Variants in YPEL5 observed in about 807,000 individuals in gnomAD.
YPEL5 encodes yippee like 5, also known as protein yippee-like 5.
A neutral mutation model predicts 10.5 loss-of-function variants in YPEL5; 1 was observed. The ratio of observed to expected loss-of-function variants is 0.10; its 90% CI spans 0.03 to 0.45. The LOEUF (loss-of-function observed/expected upper bound fraction) is 0.45, where lower values mean the gene tolerates loss of function less well. Among genes scored for constraint, YPEL5 ranks in the 20% least tolerant of loss-of-function variants. YPEL5 has a pLI of 0.97. For synonymous variants in YPEL5, 61 were observed against 56.6 expected (o/e 1.08, Z -0.35); for missense variants, 68 against 159.3 (o/e 0.43, Z 3.09).
intron 1 of YPEL5, among the ~76,000 whole-genome samples, chr2:30,150,858 C>T (rs1310610381): frequency 6.6e-6 from 1 of 152,206 alleles, no homozygotes; most frequent in East Asian, 1.9e-4. Flanking sequence ...GTAGCAGCTC[C>T]TCATACCTCT....
At chr2:30,147,493 C>T (rs1242708348) in intron 1 of YPEL5, 1 of 149,830 alleles carries the variant, frequency 6.7e-6, no homozygotes, top group Non-Finnish European at 1.5e-5. Flanking sequence ...CGCGCCGCGC[C>T]GCGGCTGCCC....
At chr2:30,158,186 G>T (rs1181480171) in intron 2 of YPEL5, among the ~76,000 whole-genome samples, 2 of 152,152 alleles carry the variant, frequency 1.3e-5, no homozygotes, top group Non-Finnish European at 2.9e-5. Flanking sequence ...TATATTTTCA[G>T]AAACAAACTG....
At chr2:30,157,022 T>C (rs1230763144) in intron 2 of YPEL5, among the ~76,000 whole-genome samples, 1 of 152,162 alleles carries the variant, frequency 6.6e-6, no homozygotes, top group African/African-American at 2.4e-5. Context: ...CAGTGGCTCA[T>C]GCCTGTAATC....
intron 2 of YPEL5, among the ~76,000 whole-genome samples, chr2:30,157,670 G>T (rs1442736851): frequency 6.6e-6 from 1 of 152,166 alleles, no homozygotes; most frequent in South Asian, 2.1e-4. Flanking sequence ...TAGAAAAGTT[G>T]AATTTCCAAG....
chr2:30,158,357 G>C (rs918715471), intron 2 of YPEL5, among the ~76,000 whole-genome samples: 7 of 152,178 alleles, frequency 4.6e-5, no homozygotes, highest in Non-Finnish European at 8.8e-5. Flanking sequence ...ACACAGAAAT[G>C]TAACTAGTAT....
intron 1 of YPEL5, chr2:30,148,289 C>G (rs1345716320): frequency 6.6e-6 from 1 of 152,228 alleles, no homozygotes; most frequent in Non-Finnish European, 1.5e-5. Context: ...GTCGTCTTGA[C>G]AGATGGAAAA....
At chr2:30,157,245 T>C (rs1167757187) in intron 2 of YPEL5, among the ~76,000 whole-genome samples, 1 of 151,118 alleles carries the variant, frequency 6.6e-6, no homozygotes, top group Admixed American at 6.6e-5. Context: ...ATAGCGCCAC[T>C]GCACTCCAGC....
rs144164195 is a variant in YPEL5, at chr2:30,150,042, G to A, written c.-25+2980G>A. Among the ~76,000 whole-genome samples the A allele has an allele frequency of 3.3e-4, 51 of 152,268 alleles. No homozygotes were observed. In the East Asian group the frequency reaches 8.1e-3, roughly 24 times the overall value. On this transcript the variant is annotated intron_variant, in intron 1 of 2. Transcript: ENST00000261353. ...ACTTACCAGGGTTGAAACCAAACTGGATTATTAATTATAGGGACAACAAGT... is the reference window on the plus strand; with the variant it reads ...ACTTACCAGGGTTGAAACCAAACTGAATTATTAATTATAGGGACAACAAGT...
At position 30,160,008 on chromosome 2, in the gene YPEL5, T is replaced by C. The variant is rs1401204542; in HGVS notation, c.*1165T>C. 1 of 152,650 alleles carries C rather than the reference T, an allele frequency of 6.6e-6. No individual in the cohort carries two copies. Among genetic ancestry groups the C allele is most frequent in the Non-Finnish European group, 1.5e-5 (1 of 68,032 alleles). The allele number at this position is 152,650 out of a possible 1,614,324, so 9.5% of individuals were successfully genotyped here. On this transcript the variant is annotated 3_prime_UTR_variant, in exon 3 of 3. Coordinates refer to ENST00000261353, the MANE Select transcript of YPEL5 (RefSeq NM_016061.3). ...CTTTGTACCCTCACATACAAAGGGATCAAATTTGACCTGGTGTTATTTTAG... is the reference window on the plus strand; with the variant it reads ...CTTTGTACCCTCACATACAAAGGGACCAAATTTGACCTGGTGTTATTTTAG...
intron 2 of YPEL5, 121 bp from the exon 3 acceptor site, chr2:30,158,498 C>A: frequency 1.1e-6 from 1 of 951,882 alleles, no homozygotes; most frequent in Non-Finnish European, 1.6e-6. Context: ...ATAGGTTTGA[C>A]TAAACTAACA....
Position 30,159,663 on chromosome 2 carries a change from T to G in YPEL5, c.*820T>G, listed in dbSNP as rs1169362632. 1 of 152,240 alleles carries G rather than the reference T, an allele frequency of 6.6e-6. No individual in the cohort carries two copies. Among genetic ancestry groups the G allele is most frequent in the Non-Finnish European group, 1.5e-5 (1 of 68,028 alleles). The allele number at this position is 152,240 out of a possible 1,614,324, so 9.4% of individuals were successfully genotyped here. A position where few individuals can be genotyped will look rare whatever the true frequency, so the allele number is the denominator to read the frequency against. On this transcript the variant is annotated 3_prime_UTR_variant, in exon 3 of 3. Transcript: ENST00000261353. ...TTCATCTCTTAAACTAAATTGACCA[T>G]GCATATAATATTCTTTGTTTAAATG... is the stretch of plus-strand genomic sequence containing the variant.
chr2:30,152,113 A>G (rs959626567), intron 1 of YPEL5, among the ~76,000 whole-genome samples: 2 of 152,206 alleles, frequency 1.3e-5, no homozygotes, highest in East Asian at 3.9e-4. Flanking sequence ...TGAATTGTAC[A>G]CTTGTAGTGA....
chr2:30,152,689 A>G (rs553146149), intron 1 of YPEL5, among the ~76,000 whole-genome samples: 22 of 152,336 alleles, frequency 1.4e-4, no homozygotes, highest in African/African-American at 5.3e-4. Context: ...TAATTCATCT[A>G]TAAAAGTGAG....
chr2:30,152,941 C>T (rs1237687073), intron 1 of YPEL5, among the ~76,000 whole-genome samples: 1 of 146,840 alleles, frequency 6.8e-6, no homozygotes, highest in African/African-American at 2.5e-5. Context: ...CATTCTGTGG[C>T]CCAGGCTGGA....
intron 1 of YPEL5, among the ~76,000 whole-genome samples, chr2:30,153,684 C>T (rs1440407396): frequency 6.6e-6 from 1 of 152,242 alleles, no homozygotes; most frequent in Non-Finnish European, 1.5e-5. Context: ...CTTGCTTCTG[C>T]TAGATCCTGT....
chr2:30,157,256 C>T (rs1341169667), intron 2 of YPEL5, among the ~76,000 whole-genome samples: 1 of 151,392 alleles, frequency 6.6e-6, no homozygotes, highest in Non-Finnish European at 1.5e-5. Flanking sequence ...GCACTCCAGC[C>T]TAGGCAACAG....
At chr2:30,158,025 G>A (rs1318021732) in intron 2 of YPEL5, among the ~76,000 whole-genome samples, 2 of 152,358 alleles carry the variant, frequency 1.3e-5, no homozygotes, top group Admixed American at 6.5e-5. Flanking sequence ...AAGTGTAGAA[G>A]ATTGTTGGGT....
intron 1 of YPEL5, among the ~76,000 whole-genome samples, chr2:30,150,510 T>A (rs561285458): frequency 6.6e-6 from 1 of 152,206 alleles, no homozygotes; most frequent in South Asian, 2.1e-4. Context: ...GTTTAAGTCC[T>A]GGGGGTGGAG....
At chr2:30,153,398 T>C (rs547864985) in intron 1 of YPEL5, among the ~76,000 whole-genome samples, 2 of 152,372 alleles carry the variant, frequency 1.3e-5, no homozygotes, top group South Asian at 4.1e-4. Context: ...GGCAGCTCTC[T>C]GGGACCCTTT....
Sources: gnomAD v4.1 joint callset for allele counts (sites outside exome capture counted in the v4.1 genomes callset) on GRCh38, gnomAD v4.1.1 for gene constraint, MANE v1.5 for transcripts, NCBI Gene and HGNC (gene_info 2026-07-23, HGNC 2026-07-21) for gene names.